CDH9: variants seen among roughly 807,000 people sequenced by gnomAD.
CDH9 encodes the protein cadherin-9.
CDH9 carries 28 observed loss-of-function variants against 70.9 expected under a neutral mutation model. The observed-to-expected ratio is 0.40, with a 90% CI of 0.29 to 0.54. CDH9 has a LOEUF of 0.54. Ranked by LOEUF, CDH9 falls within the 20% of genes least tolerant of loss-of-function variation. The pLI is 0.59. For missense variants in CDH9, 874 were observed against 984.4 expected, an observed-to-expected ratio of 0.89 and a Z score of 1.50; for synonymous variants, 409 against 343.1, an observed-to-expected ratio of 1.19 and a Z score of -2.12.
chr5:26,901,397 T>A (rs1740851521), intron 7 of CDH9, among the ~76,000 whole-genome samples: 1 of 151,912 alleles, frequency 6.6e-6, no homozygotes, highest in Non-Finnish European at 1.5e-5. Context: ...AAGGTTAACA[T>A]GTTCTTAATC....
chr5:27,020,868 A>G (rs900955089), intron 1 of CDH9, among the ~76,000 whole-genome samples: 1 of 151,784 alleles, frequency 6.6e-6, no homozygotes, highest in Middle Eastern at 3.4e-3. Flanking sequence ...TTTTATCTGG[A>G]TAAATAGTAT....
At chr5:26,901,563 A>C (rs113445833) in intron 7 of CDH9, among the ~76,000 whole-genome samples, 1,987 of 152,006 alleles carry the variant, frequency 0.013, 41 homozygotes, top group African/African-American at 0.045. Context: ...CATGAAAAGA[A>C]TTTAACCATT....
intron 1 of CDH9, among the ~76,000 whole-genome samples, chr5:27,001,838 A>ACTCTCTCT (rs1186197846): frequency 7.7e-4 from 95 of 123,226 alleles, no homozygotes; most frequent in African/African-American, 3.1e-3. Context: ...ATACACACAC[A>ACTCTCTCT]CACACACTCT....
chr5:26,977,816 C>T (rs1311009898), intron 2 of CDH9, among the ~76,000 whole-genome samples: 1 of 152,020 alleles, frequency 6.6e-6, no homozygotes, highest in Non-Finnish European at 1.5e-5. Flanking sequence ...ATTTGAAGCA[C>T]TTCAGATACT....
intron 2 of CDH9, among the ~76,000 whole-genome samples, chr5:26,949,405 A>G (rs1322322726): frequency 2.6e-5 from 4 of 152,216 alleles, no homozygotes; most frequent in Non-Finnish European, 4.4e-5. Flanking sequence ...AGATACAACA[A>G]ATGGAAAAGA....
At chr5:26,975,039 CAG>C (rs1742282340) in intron 2 of CDH9, among the ~76,000 whole-genome samples, 1 of 152,096 alleles carries the variant, frequency 6.6e-6, no homozygotes, top group Admixed American at 6.6e-5. Context: ...AATAAAAAAA[CAG>C]AAAGTTTACA....
Position 26,881,531 on chromosome 5 carries a change from A to T in CDH9, c.1975T>A (p.Tyr659Asn). The T allele has an allele frequency of 6.2e-7, 1 of 1,613,774 alleles. No homozygotes were observed. Among genetic ancestry groups the T allele is most frequent in the Non-Finnish European group, 8.5e-7 (1 of 1,179,804 alleles). ...KDDVRDNIVT[Y>N]NDEGGGEEDT... ...TCTTCCCCGCCGCCTTCATCGTTGT[A>T]GGTCACAATGTTGTCCCGGACATCG... Residue 659 changes from tyrosine to asparagine, a missense_variant, in exon 12 of 12, where the codon TAC becomes AAC. Physicochemically the swap from Tyr to Asn is moderately radical, Grantham distance 143. Transcript: ENST00000231021.
At chr5:27,016,147 A>G (rs1743042709) in intron 1 of CDH9, among the ~76,000 whole-genome samples, 1 of 151,842 alleles carries the variant, frequency 6.6e-6, no homozygotes, top group Admixed American at 6.6e-5. Flanking sequence ...ATAGTATAAT[A>G]TCTCAATAAA....
At chr5:27,020,727 C>A (rs539539112) in intron 1 of CDH9, among the ~76,000 whole-genome samples, 33 of 107,942 alleles carry the variant, frequency 3.1e-4, no homozygotes, top group African/African-American at 9.6e-4. Context: ...AATTCACACA[C>A]GCACACACAC....
chr5:26,919,475 C>G (rs1741205870), intron 2 of CDH9, among the ~76,000 whole-genome samples: 1 of 152,132 alleles, frequency 6.6e-6, no homozygotes, highest in African/African-American at 2.4e-5. Context: ...CTAAAATAAA[C>G]TTGAAGGGCC....
chr5:27,013,743 C>A (rs1340426975), intron 1 of CDH9, among the ~76,000 whole-genome samples: 1 of 151,968 alleles, frequency 6.6e-6, no homozygotes, highest in African/African-American at 2.4e-5. Context: ...ACTGAGATTT[C>A]AAGGCTCTGT....
At chr5:26,916,481 G>GT (rs1003879382) in intron 2 of CDH9, among the ~76,000 whole-genome samples, 3 of 151,848 alleles carry the variant, frequency 2.0e-5, no homozygotes, top group African/African-American at 4.8e-5. Flanking sequence ...TATATATTGT[G>GT]TTTTTTCCTA....
chr5:26,989,022 T>C (rs1251028069), intron 1 of CDH9, among the ~76,000 whole-genome samples: 1 of 152,062 alleles, frequency 6.6e-6, no homozygotes, highest in Non-Finnish European at 1.5e-5. Context: ...CAAATTTATT[T>C]GAGACTGAGG....
intron 2 of CDH9, among the ~76,000 whole-genome samples, chr5:26,936,631 A>G (rs1026132833): frequency 1.3e-5 from 2 of 152,182 alleles, no homozygotes; most frequent in African/African-American, 4.8e-5. Flanking sequence ...GACATTACTC[A>G]AAGTAAAGAC....
chr5:26,999,778 T>A, intron 1 of CDH9, among the ~76,000 whole-genome samples: 1 of 152,280 alleles, frequency 6.6e-6, no homozygotes, highest in Non-Finnish European at 1.5e-5. Flanking sequence ...AAATTTTATT[T>A]TTTTCCAACT....
chr5:27,012,088 C>A (rs1207733792), intron 1 of CDH9, among the ~76,000 whole-genome samples: 1 of 151,858 alleles, frequency 6.6e-6, no homozygotes, highest in Non-Finnish European at 1.5e-5. Flanking sequence ...ATCCACTATA[C>A]CCTTAGATAA....
chr5:26,969,871 T>TA (rs11386815), intron 2 of CDH9, among the ~76,000 whole-genome samples: 147,957 of 150,174 alleles, frequency 0.99, 72,940 homozygotes, highest in Middle Eastern at 1. Flanking sequence ...ACTGGCTGGT[T>TA]AAAAAATGTG....
intron 9 of CDH9, 146 bp from the exon 10 acceptor site, chr5:26,886,229 A>C (rs2111968201): frequency 1.0e-6 from 1 of 981,040 alleles, no homozygotes; most frequent in East Asian, 2.9e-5. Context: ...TCAGAAAATT[A>C]TGCCAATGTC....
chr5:26,919,819 A>T (rs950465084), intron 2 of CDH9, among the ~76,000 whole-genome samples: 5 of 152,082 alleles, frequency 3.3e-5, no homozygotes, highest in African/African-American at 9.7e-5. Flanking sequence ...TTAAGGGAAG[A>T]ATCCAATTCT....
Sources: gnomAD v4.1 joint callset for allele counts (sites outside exome capture counted in the v4.1 genomes callset) on GRCh38, gnomAD v4.1.1 for gene constraint, MANE v1.5 for transcripts, NCBI Gene and HGNC (gene_info 2026-07-23, HGNC 2026-07-21) for gene names.